DNAH5: variants seen among roughly 807,000 people sequenced by gnomAD.
DNAH5 encodes axonemal beta dynein heavy chain 5.
In DNAH5, 372 loss-of-function variants were observed where a neutral mutation model predicts 518.2. That is an observed-to-expected ratio of 0.72 (90% CI 0.66 to 0.78). The LOEUF (loss-of-function observed/expected upper bound fraction) is 0.78, where lower values mean the gene tolerates loss of function less well. Ranked by LOEUF, DNAH5 falls within the 30% of genes least tolerant of loss-of-function variation. The probability of loss-of-function intolerance (pLI) is 0.00; values close to 1 mark genes in which losing one functional copy is unlikely to be tolerated. For synonymous variants in DNAH5, 2,039 were observed against 2,025.9 expected, an observed-to-expected ratio of 1.01 and a Z score of -0.17; for missense variants, 5,523 against 5,687.0, an observed-to-expected ratio of 0.97 and a Z score of 0.93.
intron 49 of DNAH5, 115 bp from the exon 50 acceptor site, chr5:13,792,332 T>C: frequency 1.2e-6 from 1 of 807,990 alleles, no homozygotes; most frequent in South Asian, 1.6e-5. Context: ...TAATAGATAA[T>C]CACATATAAA....
At chr5:13,911,292 C>T in intron 12 of DNAH5, 94 bp downstream of exon 12, 1 of 946,386 alleles carries the variant, frequency 1.1e-6, no homozygotes, top group South Asian at 1.3e-5. Flanking sequence ...ATGAAGATAC[C>T]TCTGCCTTCT....
chr5:13,927,973 G>A (rs923661794), intron 3 of DNAH5, 121 bp downstream of exon 3: 20 of 771,480 alleles, frequency 2.6e-5, no homozygotes, highest in Non-Finnish European at 4.1e-5. Flanking sequence ...ACCCACACAC[G>A]CATCTCCCTC....
chr5:13,733,949 G>A (rs960546953), intron 68 of DNAH5, among the ~76,000 whole-genome samples: 1 of 151,992 alleles, frequency 6.6e-6, no homozygotes, highest in Non-Finnish European at 1.5e-5. Flanking sequence ...TATACTAGAT[G>A]AATCTATTTA....
At chr5:13,974,332 C>G (rs1782088890) in intron 1 of DNAH5, among the ~76,000 whole-genome samples, 1 of 151,864 alleles carries the variant, frequency 6.6e-6, no homozygotes, top group South Asian at 2.1e-4. Flanking sequence ...ACTATGTTGC[C>G]CAGGCTGGGC....
At chr5:13,974,899 G>A (rs1782128822) in intron 1 of DNAH5, among the ~76,000 whole-genome samples, 1 of 152,164 alleles carries the variant, frequency 6.6e-6, no homozygotes, top group African/African-American at 2.4e-5. Context: ...CGGTGGCCAG[G>A]AGGCTGGTAA....
rs1293906490 is a variant in DNAH5 at position 13,844,837 on chromosome 5, C to G, written c.5271G>C (p.Lys1757Asn). The change falls in exon 32 of 79, where the codon AAG becomes AAC. Residue 1757 changes from lysine (K) to asparagine (N), a missense_variant and splice_region_variant. This residue lies in a region of DNAH5 where 5,121 missense variants were observed against 5,223.3 expected (regional missense o/e 0.98). Transcript: ENST00000265104. ...DNIKSVKFHEKIYDRILSISS... is the reference protein window; with the variant it reads ...DNIKSVKFHENIYDRILSISS... The stretch of plus-strand genomic sequence containing the variant: ...GGCCTGCCATTAGAATTAGGCGAAC[C>G]TTTTCGTGGAACTTGACAGATTTAA... 1.2e-6 allele frequency: 2 copies of G among 1,614,026 alleles called. No individual in the cohort carries two copies. Among genetic ancestry groups the G allele is most frequent in the Non-Finnish European group, 1.7e-6 (2 of 1,180,020 alleles).
intron 58 of DNAH5, among the ~76,000 whole-genome samples, chr5:13,767,260 G>A (rs1055366774): frequency 2.6e-5 from 4 of 152,120 alleles, no homozygotes; most frequent in African/African-American, 9.7e-5. Flanking sequence ...GAATAGCTGG[G>A]ACTACAGGCA....
At chr5:13,879,459 G>T (rs994061094) in intron 21 of DNAH5, among the ~76,000 whole-genome samples, 1 of 151,960 alleles carries the variant, frequency 6.6e-6, no homozygotes, top group Non-Finnish European at 1.5e-5. Flanking sequence ...TTACTATAAA[G>T]TTACTTCCTG....
At chr5:13,959,924 C>T (rs150447068) in intron 1 of DNAH5, among the ~76,000 whole-genome samples, 221 of 152,050 alleles carry the variant, frequency 1.5e-3, no homozygotes, top group African/African-American at 4.6e-3. Context: ...GCCGAGATTG[C>T]GCCATTGCAC....
intron 53 of DNAH5, among the ~76,000 whole-genome samples, chr5:13,779,076 C>T (rs1445208743): frequency 2.0e-5 from 3 of 152,218 alleles, no homozygotes; most frequent in Admixed American, 2.0e-4. Context: ...TGGGCTACTG[C>T]TATCTGTCCT....
At chr5:13,901,640 T>C in intron 13 of DNAH5, 67 bp from the exon 14 acceptor site, 1 of 955,468 alleles carries the variant, frequency 1.0e-6, no homozygotes, top group Non-Finnish European at 1.5e-6. Context: ...ACAATAAAAA[T>C]ATCTAGTAAT....
chr5:13,791,105 A>T (rs182451600), intron 50 of DNAH5, among the ~76,000 whole-genome samples: 7,707 of 136,402 alleles, frequency 0.057, 256 homozygotes, highest in Middle Eastern at 0.088. Context: ...ATAATTTTTT[A>T]AAAAAAAAAG....
At chr5:13,921,475 T>TCACACA (rs138046391) in intron 5 of DNAH5, among the ~76,000 whole-genome samples, 80 of 73,762 alleles carry the variant, frequency 1.1e-3, no homozygotes, top group African/African-American at 2.4e-3. Context: ...TATCTCTCTC[T>TCACACA]CACACACACA....
At chr5:13,988,072 C>T (rs957875483) in intron 1 of DNAH5, among the ~76,000 whole-genome samples, 3 of 152,218 alleles carry the variant, frequency 2.0e-5, no homozygotes, top group African/African-American at 7.2e-5. Flanking sequence ...GGTTCACTCC[C>T]GGGTCGCCTC....
At chr5:13,743,866 A>C (rs1443153472) in intron 65 of DNAH5, among the ~76,000 whole-genome samples, 1 of 152,146 alleles carries the variant, frequency 6.6e-6, no homozygotes, top group Non-Finnish European at 1.5e-5. Context: ...GTGGGAATGT[A>C]AACTAGAACA....
In DNAH5 at chr5:13,721,199, C is replaced by G; in HGVS notation, c.12080G>C (p.Gly4027Ala). The change falls in exon 71 of 79, where the codon GGT (glycine) becomes GCT (alanine). Residue 4027 changes from glycine to alanine, a missense_variant. Physicochemically the swap from Gly to Ala is moderately conservative, Grantham distance 60 (BLOSUM62 0). This residue lies in a region of DNAH5 where 5,121 missense variants were observed against 5,223.3 expected (regional missense o/e 0.98). Coordinates refer to ENST00000265104, the MANE Select transcript of DNAH5 (RefSeq NM_001369.3). ...VDSMGEKYAE[G>A]VILDLEKTWE... ...CGTCTTCTCCAAGTCTAAAATAACA[C>G]CTTCGGCATATTTTTCTCCCATGGA... 1.2e-6 allele frequency: 2 copies of G among 1,614,126 alleles called. No individual in the cohort carries two copies. Among genetic ancestry groups the G allele is most frequent in the Non-Finnish European group, 1.7e-6 (2 of 1,179,996 alleles).
chr5:13,830,045 A>G lies in DNAH5; in HGVS notation c.6230T>C (p.Phe2077Ser), dbSNP rs141196027. 2.2e-4 allele frequency: 358 copies of G among 1,614,112 alleles called. No homozygotes were observed. Among genetic ancestry groups the G allele is most frequent in the South Asian group, 8.3e-4 (76 of 91,070 alleles). Residue 2077 changes from phenylalanine (F) to serine (S), a missense_variant, in exon 37 of 79, where the codon TTT (phenylalanine) becomes TCT (serine). Phe to Ser is a radical substitution (Grantham distance 155). Coordinates refer to ENST00000265104, the MANE Select transcript of DNAH5 (RefSeq NM_001369.3). ...DGDNVTMNPE[F>S]GLFLTMNPGY... ...CCTTACCATGGTTAAGAAAAGCCCA[A>G]ATTCAGGGTTCATAGTCACATTATC...
In DNAH5 at chr5:13,767,535, G is replaced by A. The variant is rs1020699311; in HGVS notation, c.9898-1356C>T. Among the ~76,000 whole-genome samples, 5 of 152,196 alleles carry A rather than the reference G, an allele frequency of 3.3e-5. No individual in the cohort carries two copies. In the East Asian group the frequency reaches 5.8e-4, roughly 18 times the overall value. ...AACAGACCTTTATTTGAGGTGCACAGTTATAAAAGAAAAGAGAAAAATAGA... is the reference window on the plus strand; with the variant it reads ...AACAGACCTTTATTTGAGGTGCACAATTATAAAAGAAAAGAGAAAAATAGA... On this transcript the variant is annotated intron_variant, in intron 58 of 78. Coordinates refer to ENST00000265104, the MANE Select transcript of DNAH5 (RefSeq NM_001369.3).
At chr5:13,696,365 T>C (rs867518483) in intron 78 of DNAH5, among the ~76,000 whole-genome samples, 1 of 152,206 alleles carries the variant, frequency 6.6e-6, no homozygotes, top group Admixed American at 6.5e-5. Flanking sequence ...AGTGTGTGTG[T>C]GGCTTTACCG....
Sources: allele counts gnomAD v4.1 joint callset (sites outside exome capture counted in the v4.1 genomes callset), GRCh38; gene constraint gnomAD v4.1.1; regional missense constraint gnomAD v4.1.1; transcripts MANE v1.5; gene names NCBI Gene and HGNC (gene_info 2026-07-23, HGNC 2026-07-21).